PCDHA3: variants seen among roughly 807,000 people sequenced by gnomAD.
The protein encoded by PCDHA3 is protocadherin alpha 3.
PCDHA3 carries 41 observed loss-of-function variants against 62.2 expected under a neutral mutation model. That is an observed-to-expected ratio of 0.66 (90% confidence interval 0.51 to 0.86). PCDHA3 has a LOEUF of 0.86. PCDHA3 is among the 40% of genes least tolerant of loss of function. The pLI, the probability that PCDHA3 is intolerant of heterozygous loss-of-function variation, is 0.00. For missense variants in PCDHA3, 1,304 were observed against 1,241.2 expected (o/e 1.05, Z -0.76); for synonymous variants, 640 against 555.4 (o/e 1.15, Z -2.14).
At chr5:140,838,073 ATATAGTGTGT>A (rs1415475897) in intron 1 of PCDHA3, among the ~76,000 whole-genome samples, 44 of 126,826 alleles carry the variant, frequency 3.5e-4, no homozygotes, top group Admixed American at 1.0e-3. Context: ...AGTTATATAT[ATATAGTGTGT>A]GTGTGTGTGT....
intron 1 of PCDHA3, chr5:140,850,309 C>G (rs781788388): frequency 6.3e-7 from 1 of 1,596,972 alleles, no homozygotes; most frequent in East Asian, 2.2e-5. Flanking sequence ...GGCTACAACG[C>G]GTGGCTTTCA....
intron 1 of PCDHA3, chr5:140,868,024 G>A (rs550037758): frequency 2.0e-5 from 3 of 152,200 alleles, no homozygotes; most frequent in South Asian, 4.1e-4. Context: ...GGAAACCAAT[G>A]TTGGTGACTT....
At chr5:140,942,667 CA>C (rs2153659637) in intron 1 of PCDHA3, among the ~76,000 whole-genome samples, 1 of 151,384 alleles carries the variant, frequency 6.6e-6, no homozygotes, top group South Asian at 2.1e-4. Flanking sequence ...GCAATAAGCA[CA>C]AAAGTTTTAG....
At chr5:140,882,538 C>T (rs782086663) in intron 1 of PCDHA3, 2 of 1,614,170 alleles carry the variant, frequency 1.2e-6, no homozygotes, top group Non-Finnish European at 1.7e-6. Flanking sequence ...ATTCTCGGAT[C>T]GACCGCGAGG....
chr5:141,010,353 G>T lies in PCDHA3; in HGVS notation c.*416G>T. On this transcript the variant is annotated 3_prime_UTR_variant, in exon 4 of 4. Transcript: ENST00000522353. Reference sequence around the variant, plus strand: ...AGTTTGTGGCCACTGGGTATGTGTGGCTACCGCGGGTATGCGAGTGCCAGA... The same window carrying T: ...AGTTTGTGGCCACTGGGTATGTGTGTCTACCGCGGGTATGCGAGTGCCAGA... The T allele has an allele frequency of 6.6e-7, 1 of 1,507,486 alleles. No homozygotes were observed. Among genetic ancestry groups the T allele is most frequent in the Non-Finnish European group, 8.9e-7 (1 of 1,128,244 alleles). 93.4% of individuals were successfully genotyped at this position (1,507,486 alleles called of 1,614,324 possible).
At chr5:140,809,150 G>T in intron 1 of PCDHA3, 1 of 1,613,976 alleles carries the variant, frequency 6.2e-7, no homozygotes, top group Non-Finnish European at 8.5e-7. Context: ...GAAGGACCAC[G>T]GCGAGCCCGC....
rs1022293477 is a variant in PCDHA3, at chr5:140,841,242, T to C, written c.2394+37651T>C. 4.7e-6 allele frequency: 7 copies of C among 1,492,124 alleles called. No individual in the cohort carries two copies. The Admixed American group carries it at 6.7e-5, about 14-fold the overall frequency. The allele number at this position is 1,492,124 out of a possible 1,614,324, so 92.4% of individuals were successfully genotyped here. On this transcript the variant is annotated intron_variant, in intron 1 of 3. Transcript: ENST00000522353. ...CCGAACAACGGGAGATGCAGCGGAATTGGATTAAAAGACTCTGAAAGTACA... is the reference window on the plus strand; with the variant it reads ...CCGAACAACGGGAGATGCAGCGGAACTGGATTAAAAGACTCTGAAAGTACA...
At chr5:140,856,444 C>G in intron 1 of PCDHA3, 1 of 1,598,432 alleles carries the variant, frequency 6.3e-7, no homozygotes, top group Non-Finnish European at 8.6e-7. Flanking sequence ...CGCCCAGGTT[C>G]TCCGTAACAG....
At position 140,855,260 on chromosome 5, in the gene PCDHA3, A is replaced by G. The variant is rs146587233; in HGVS notation, c.2394+51669A>G. ...TACTATTGCAAGCACTTACTATATT[A>G]TAATTCACTCAACCACCGTATTACT... is the stretch of plus-strand genomic sequence containing the variant. On this transcript the variant is annotated intron_variant, in intron 1 of 3. Coordinates refer to ENST00000522353, the MANE Select transcript of PCDHA3 (RefSeq NM_018906.3). Among the ~76,000 whole-genome samples, 51 of 149,956 alleles carry G rather than the reference A, an allele frequency of 3.4e-4. No homozygotes were observed. In the East Asian group the frequency reaches 7.5e-3, roughly 22 times the overall value.
chr5:140,894,484 T>C (rs2064498102), intron 1 of PCDHA3, among the ~76,000 whole-genome samples: 1 of 152,002 alleles, frequency 6.6e-6, no homozygotes, highest in Admixed American at 6.5e-5. Flanking sequence ...TTTCATCTTA[T>C]AGTTTTCTTT....
At chr5:140,991,101 T>C (rs1281707030) in intron 3 of PCDHA3, among the ~76,000 whole-genome samples, 3 of 152,218 alleles carry the variant, frequency 2.0e-5, no homozygotes, top group African/African-American at 4.8e-5. Flanking sequence ...CTCATAAGAA[T>C]TAAGTGGCTT....
intron 1 of PCDHA3, chr5:140,849,281 T>A: frequency 8.4e-7 from 1 of 1,191,174 alleles, no homozygotes; most frequent in Non-Finnish European, 1.2e-6. Flanking sequence ...CGCTGGTGAT[T>A]CACCCCAATG....
intron 1 of PCDHA3, chr5:140,809,310 C>G: frequency 6.2e-7 from 1 of 1,614,106 alleles, no homozygotes; most frequent in Non-Finnish European, 8.5e-7. Context: ...TGCGCGGTGT[C>G]CAGCCTTTTG....
At chr5:141,005,868 G>T (rs1428789229) in intron 3 of PCDHA3, among the ~76,000 whole-genome samples, 1 of 152,078 alleles carries the variant, frequency 6.6e-6, no homozygotes, top group African/African-American at 2.4e-5. Flanking sequence ...GGTCGATTGA[G>T]TCCAGGAGTT....
chr5:140,886,251 T>A (rs189086759), intron 1 of PCDHA3, among the ~76,000 whole-genome samples: 397 of 152,156 alleles, frequency 2.6e-3, no homozygotes, highest in Non-Finnish European at 4.1e-3. Flanking sequence ...AATAAAAGTA[T>A]CTCTATTTAT....
intron 1 of PCDHA3, chr5:140,807,308 C>T (rs1554123867): frequency 1.9e-6 from 3 of 1,614,140 alleles, no homozygotes; most frequent in Non-Finnish European, 1.7e-6. Context: ...GGAGGCCAAA[C>T]ACGGCACCTT....
chr5:141,000,423 T>C (rs470406), intron 3 of PCDHA3, among the ~76,000 whole-genome samples: 6 of 66,864 alleles, frequency 9.0e-5, no homozygotes, highest in Non-Finnish European at 1.8e-4. Context: ...ATATATATAT[T>C]TTTTTTTTTT....
rs1554262618 is a variant in PCDHA3, at chr5:141,009,958, C to T, written c.*21C>T. On this transcript the variant is annotated 3_prime_UTR_variant, in exon 4 of 4. Transcript: ENST00000522353. The stretch of plus-strand genomic sequence containing the variant: ...AGTGAGGTCCTCAAATGGAAACAAG[C>T]CACTTAGCCAGTTTTTGTAATAATG... 1.3e-6 allele frequency: 2 copies of T among 1,589,012 alleles called. No homozygotes were observed. The highest frequency in any genetic ancestry group is 1.7e-6 in the Non-Finnish European group (2 of 1,171,000).
intron 1 of PCDHA3, chr5:140,809,750 C>A: frequency 1.5e-6 from 1 of 651,012 alleles, no homozygotes; most frequent in East Asian, 2.9e-5. Context: ...TATTGCCTTC[C>A]TTCATTTTAT....
Sources: allele counts gnomAD v4.1 joint callset (sites outside exome capture counted in the v4.1 genomes callset), GRCh38; gene constraint gnomAD v4.1.1; transcripts MANE v1.5; gene names NCBI Gene and HGNC (gene_info 2026-07-23, HGNC 2026-07-21).